The following ZNF574 variants were observed in gnomAD, a reference collection of about 807,000 sequenced individuals.
ZNF574 encodes zinc finger protein 574.
A neutral mutation model predicts 56.6 loss-of-function variants in ZNF574; 25 were observed. That is an observed-to-expected ratio of 0.44 (90% CI 0.32 to 0.62). The LOEUF (loss-of-function observed/expected upper bound fraction) is 0.62. ZNF574 is among the 20% of genes least tolerant of loss of function. ZNF574 has a pLI of 0.04. For synonymous variants in ZNF574, 543 were observed against 492.1 expected, an observed-to-expected ratio of 1.10 and a Z score of -1.37; for missense variants, 1,065 against 1,218.9, an observed-to-expected ratio of 0.87 and a Z score of 1.88.
upstream of ZNF574, chr19:42,074,894 T>C (rs1366653723): frequency 6.6e-6 from 1 of 152,294 alleles, no homozygotes; most frequent in Non-Finnish European, 1.5e-5. Context: ...ATGTTTCTTT[T>C]CTTCTTTCAG....
At position 42,079,455 on chromosome 19, in the gene ZNF574, C is replaced by T. The variant is rs2076479823; in HGVS notation, c.849C>T (p.Ala283=). The T allele has an allele frequency of 6.2e-7, 1 of 1,613,536 alleles. No individual in the cohort carries two copies. Residue 283 remains alanine (A), a synonymous_variant, in exon 2 of 2, where the codon GCC becomes GCT. Transcript: ENST00000359044. This position sits in a 1 kb window ranked among gnomAD's most constrained non-coding sequence, Gnocchi z 4.3. ...DHSYELRNGE[A]IGRDRRGRRA... ...GTTACGAGCTGCGCAATGGTGAAGC[C>T]ATTGGGCGGGATCGCCGGGGGCGCA...
upstream of ZNF574, among the ~76,000 whole-genome samples, chr19:42,072,236 C>CTTT (rs1200141888): frequency 1.5e-5 from 2 of 135,184 alleles, no homozygotes; most frequent in Non-Finnish European, 3.2e-5. Context: ...TTTTCCTTTT[C>CTTT]TTTTTTTTTT....
Position 42,078,970 on chromosome 19 carries a change from A to T in ZNF574, c.364A>T (p.Ser122Cys), listed in dbSNP as rs746343934. ...ACCTAAGGCACCACCCCTGAGCTCC[A>T]GCACCATCCACTACGAGTGTGTGGA... ...PSPKAPPLSS[S>C]TIHYECVDCK... Residue 122 changes from serine to cysteine, a missense_variant, in exon 2 of 2, where the codon AGC becomes TGC. Coordinates refer to ENST00000359044, the MANE Select transcript of ZNF574 (RefSeq NM_022752.6). 6.2e-7 allele frequency: 1 copy of T among 1,613,962 alleles called. No individual in the cohort carries two copies. Among genetic ancestry groups the T allele is most frequent in the African/African-American group, 1.3e-5 (1 of 74,912 alleles).
intron 1 of ZNF574, among the ~76,000 whole-genome samples, chr19:42,078,084 G>A (rs2146212596): frequency 6.6e-6 from 1 of 152,182 alleles, no homozygotes; most frequent in Non-Finnish European, 1.5e-5. Flanking sequence ...AGTGTAAAAA[G>A]AAGTCTGAGA....
exon 1 of ZNF574, chr19:42,068,573 A>C (rs2076374374): frequency 2.5e-6 from 1 of 406,564 alleles, no homozygotes; most frequent in Admixed American, 4.4e-5. Context: ...CCAAGCTCAG[A>C]GGCAGAGAGA....
chr19:42,081,287 T>A lies in ZNF574; in HGVS notation c.2681T>A (p.Ile894Asn). The A allele has an allele frequency of 6.2e-7, 1 of 1,614,104 alleles. No individual in the cohort carries two copies. Among genetic ancestry groups the A allele is most frequent in the Non-Finnish European group, 8.5e-7 (1 of 1,180,022 alleles). ...YPLAEAEGVQ[I>N]SG ...CTGGCCGAGGCTGAGGGGGTCCAGA[T>A]CAGTGGCTGACTCTGCCCGACTTCC... The change falls in exon 2 of 2, where the codon ATC (isoleucine) becomes AAC (asparagine). Residue 894 changes from isoleucine to asparagine, a missense_variant. Transcript: ENST00000359044.
chr19:42,068,808 A>C (rs1237746448), exon 1 of ZNF574: 1 of 603,248 alleles, frequency 1.7e-6, no homozygotes, highest in East Asian at 3.0e-5. Flanking sequence ...AAAAGCGGAA[A>C]GACATATCCA....
At position 42,080,224 on chromosome 19, in the gene ZNF574, C is replaced by T. The variant is rs761634384; in HGVS notation, c.1618C>T (p.Arg540Cys). ...CTTCAACTCACCTGCCAACCTGGCC[C>T]GCCACCGGCTCACACACACAGGAGA... ...KPFNSPANLA[R>C]HRLTHTGERP... Residue 540 changes from arginine (R) to cysteine (C), a missense_variant, in exon 2 of 2, where the codon CGC becomes TGC. By Grantham distance (180) the Arg-to-Cys change is radical (BLOSUM62 -3). Transcript: ENST00000359044. This position sits in a 1 kb window ranked among gnomAD's most constrained non-coding sequence, Gnocchi z 8.5. The T allele has an allele frequency of 3.1e-6, 5 of 1,613,680 alleles. No individual in the cohort carries two copies. Among genetic ancestry groups the T allele is most frequent in the African/African-American group, 1.3e-5 (1 of 74,816 alleles).
At chr19:42,073,814 CAAAA>C (rs577928373), upstream of ZNF574, among the ~76,000 whole-genome samples, 183 of 32,038 alleles carry the variant, frequency 5.7e-3, no homozygotes, top group African/African-American at 0.022. Flanking sequence ...TAGACTGTCT[CAAAA>C]AAAAAAAAAA....
upstream of ZNF574, among the ~76,000 whole-genome samples, chr19:42,073,354 TGTTA>T (rs1204050081): frequency 2.6e-5 from 4 of 152,168 alleles, no homozygotes; most frequent in African/African-American, 9.7e-5. Context: ...ACTCAAGAGA[TGTTA>T]GTTATTATTA....
At position 42,079,473 on chromosome 19, in the gene ZNF574, G is replaced by C; in HGVS notation, c.867G>C (p.Arg289=). 6.2e-7 allele frequency: 1 copy of C among 1,613,660 alleles called. No homozygotes were observed. The highest frequency in any genetic ancestry group is 8.5e-7 in the Non-Finnish European group (1 of 1,180,034). Residue 289 remains arginine, a synonymous_variant, in exon 2 of 2, where the codon CGG becomes CGC. Transcript: ENST00000359044. This position sits in a 1 kb window ranked among gnomAD's most constrained non-coding sequence, Gnocchi z 4.3. The stretch of plus-strand genomic sequence containing the variant: ...GTGAAGCCATTGGGCGGGATCGCCG[G>C]GGGCGCAGGGCCCGGAGGAACAACA... ...RNGEAIGRDR[R]GRRARRNNSG... is the part of the protein sequence containing the mutation.
At chr19:42,073,538 A>C (rs2076438492), upstream of ZNF574, among the ~76,000 whole-genome samples, 1 of 151,224 alleles carries the variant, frequency 6.6e-6, no homozygotes, top group Non-Finnish European at 1.5e-5. Flanking sequence ...AAAAAAAAAA[A>C]ACCCGGGCAT....
At chr19:42,072,422 G>T (rs1426031102), upstream of ZNF574, among the ~76,000 whole-genome samples, 2 of 151,616 alleles carry the variant, frequency 1.3e-5, no homozygotes, top group Admixed American at 1.3e-4. Context: ...ATTTTTAGTA[G>T]AGACGGGGTT....
Position 42,078,847 on chromosome 19 carries a change from T to G in ZNF574, c.241T>G (p.Cys81Gly). The change falls in exon 2 of 2, where the codon TGT (cysteine) becomes GGT (glycine). Residue 81 changes from cysteine to glycine, a missense_variant. By Grantham distance (159) the Cys-to-Gly change is radical. Transcript: ENST00000359044. ...GGAGAGCCAGTACCAGTGCCTGGAG[T>G]GTGGTCAACTGCTGATGTCACCCAG... Reference protein sequence around the residue: ...VQESQYQCLECGQLLMSPSQL... With the variant: ...VQESQYQCLEGGQLLMSPSQL... 1 of 1,613,616 alleles carries G rather than the reference T, an allele frequency of 6.2e-7. No individual in the cohort carries two copies.
At chr19:42,073,314 T>C (rs1294048435), upstream of ZNF574, among the ~76,000 whole-genome samples, 1 of 152,194 alleles carries the variant, frequency 6.6e-6, no homozygotes, top group East Asian at 1.9e-4. Flanking sequence ...CATGTAAGCA[T>C]TGAGCATAAT....
At position 42,080,524 on chromosome 19, in the gene ZNF574, T is replaced by C; in HGVS notation, c.1918T>C (p.Ser640Pro). The C allele has an allele frequency of 6.2e-7, 1 of 1,613,484 alleles. No individual in the cohort carries two copies. The highest frequency in any genetic ancestry group is 8.5e-7 in the Non-Finnish European group (1 of 1,179,858). The change falls in exon 2 of 2, where the codon TCC becomes CCC. Residue 640 changes from serine (S) to proline (P), a missense_variant. Transcript: ENST00000359044. The surrounding 1 kb of genome is among the most constrained non-coding windows in gnomAD (Gnocchi z 8.5). Reference sequence around the variant, plus strand: ...CGGGCGCCAGCCCCACCGCTGCCCATCCTGTGGGGCTGCCTTCCCCTCCTC... The same window carrying C: ...CGGGCGCCAGCCCCACCGCTGCCCACCCTGTGGGGCTGCCTTCCCCTCCTC... ...HAGRQPHRCP[S>P]CGAAFPSSLR...
rs752077798 is a variant in ZNF574 at position 42,081,153 on chromosome 19, G to A, written c.2547G>A (p.Gln849=). The stretch of plus-strand genomic sequence containing the variant: ...GCAAGACCCATCAGCAGCAGCATCA[G>A]GCAGCTGTGCGGCAGCAGCTGGCAG... The part of the protein sequence containing the change: ...KHRKTHQQQH[Q]AAVRQQLAEA... The change falls in exon 2 of 2, where the codon CAG becomes CAA. Residue 849 remains glutamine (Q), a synonymous_variant. Coordinates refer to ENST00000359044, the MANE Select transcript of ZNF574 (RefSeq NM_022752.6). 6.2e-7 allele frequency: 1 copy of A among 1,614,120 alleles called. No individual in the cohort carries two copies. Among genetic ancestry groups the A allele is most frequent in the Non-Finnish European group, 8.5e-7 (1 of 1,180,046 alleles).
Position 42,079,355 on chromosome 19 carries a change from A to C in ZNF574, c.749A>C (p.Gln250Pro), listed in dbSNP as rs1348614788. The C allele has an allele frequency of 1.2e-6, 2 of 1,613,392 alleles. No individual in the cohort carries two copies. Among genetic ancestry groups the C allele is most frequent in the Non-Finnish European group, 1.7e-6 (2 of 1,179,806 alleles). The change falls in exon 2 of 2, where the codon CAG (glutamine) becomes CCG (proline). Residue 250 changes from glutamine to proline, a missense_variant. Transcript: ENST00000359044. This position sits in a 1 kb window ranked among gnomAD's most constrained non-coding sequence, Gnocchi z 4.3. ...CCCGAGTCTCAGGAGCCTGCCTTAC[A>C]GCAGGAGGTGCAGGCCTCGTCACCT... is the stretch of plus-strand genomic sequence containing the variant. ...PVPESQEPALQQEVQASSPAE... is the reference protein window; with the variant it reads ...PVPESQEPALPQEVQASSPAE...
rs1437354365 is a variant in ZNF574, at chr19:42,079,318, C to T, written c.712C>T (p.Pro238Ser). ...CCTGGAGCACCAGGCCACTCACTTCCCTGCTCCTGTACCCGAGTCTCAGGA... is the reference window on the plus strand; with the variant it reads ...CCTGGAGCACCAGGCCACTCACTTCTCTGCTCCTGTACCCGAGTCTCAGGA... ...DFLEHQATHF[P>S]APVPESQEPA... The change falls in exon 2 of 2, where the codon CCT becomes TCT. Residue 238 changes from proline to serine, a missense_variant. Physicochemically the swap from Pro to Ser is moderately conservative, Grantham distance 74. Coordinates refer to ENST00000359044, the MANE Select transcript of ZNF574 (RefSeq NM_022752.6). The surrounding 1 kb of genome is among the most constrained non-coding windows in gnomAD (Gnocchi z 4.3). 3 of 1,613,920 alleles carry T rather than the reference C, an allele frequency of 1.9e-6. No individual in the cohort carries two copies. The South Asian group carries it at 3.3e-5, about 18-fold the overall frequency.
Sources: allele counts gnomAD v4.1 joint callset (sites outside exome capture counted in the v4.1 genomes callset), GRCh38; gene constraint gnomAD v4.1.1; non-coding constraint Gnocchi (gnomAD v3.1); transcripts MANE v1.5; gene names NCBI Gene and HGNC (gene_info 2026-07-23, HGNC 2026-07-21).